The following ARMH1 variants were observed in gnomAD, a reference collection of about 807,000 sequenced individuals.
ARMH1 encodes the protein armadillo like helical domain containing 1.
In ARMH1, 34 loss-of-function variants were observed where a neutral mutation model predicts 50.2. The ratio of observed to expected loss-of-function variants is 0.68; its 90% CI spans 0.51 to 0.90. The LOEUF is 0.90. ARMH1 is among the 40% of genes least tolerant of loss of function. The pLI is 0.00. For synonymous variants in ARMH1, 221 were observed against 224.2 expected (o/e 0.99, Z 0.13); for missense variants, 538 against 553.9 (o/e 0.97, Z 0.29).
intron 6 of ARMH1, among the ~76,000 whole-genome samples, chr1:44,719,239 C>T (rs1352819814): frequency 1.4e-5 from 1 of 71,298 alleles, no homozygotes; most frequent in East Asian, 4.5e-3. Flanking sequence ...ACAAAACTAG[C>T]TTTTATAGGG....
intron 3 of ARMH1, 67 bp from the exon 4 acceptor site, chr1:44,697,996 C>T (rs1645886317): frequency 3.7e-6 from 5 of 1,341,790 alleles, no homozygotes; most frequent in Non-Finnish European, 5.0e-6. Flanking sequence ...CTTGGGATCT[C>T]TTTGAAAGCT....
chr1:44,721,672 T>A (rs968084287), intron 6 of ARMH1: 2 of 152,060 alleles, frequency 1.3e-5, no homozygotes, highest in South Asian at 4.1e-4. Flanking sequence ...GAGGTTGTAG[T>A]GAGCCGCGAC....
At chr1:44,695,975 C>T (rs1205785265) in intron 2 of ARMH1, among the ~76,000 whole-genome samples, 2 of 149,152 alleles carry the variant, frequency 1.3e-5, no homozygotes, top group African/African-American at 4.9e-5. Flanking sequence ...TAGCCCAGGA[C>T]AGAGGAAACA....
At chr1:44,680,409 T>G (rs368783692) in intron 1 of ARMH1, among the ~76,000 whole-genome samples, 17 of 152,322 alleles carry the variant, frequency 1.1e-4, no homozygotes, top group Middle Eastern at 3.4e-3. Flanking sequence ...ACTCCTGACC[T>G]CATGATCCAC....
intron 5 of ARMH1, among the ~76,000 whole-genome samples, chr1:44,702,605 G>A (rs1033540802): frequency 1.1e-4 from 16 of 151,646 alleles, no homozygotes; most frequent in African/African-American, 2.9e-4. Context: ...CCAGCTACTC[G>A]GGAGGCTGAG....
rs1007407947 is a variant in ARMH1 at position 44,681,179 on chromosome 1, TAG to T, written c.-23+6311_-23+6312del. On this transcript the variant is annotated intron_variant, in intron 1 of 11. Coordinates refer to ENST00000535358, the MANE Select transcript of ARMH1 (RefSeq NM_001145636.2). This position sits in a 1 kb window ranked among gnomAD's most constrained non-coding sequence, Gnocchi z 4.3. Reference sequence around the variant, plus strand: ...CCGGCTAACTTTTTGTATTTTTTAGTAGAGAGGGGGTTTCACCGTGTTAGCCA... The same window carrying T: ...CCGGCTAACTTTTTGTATTTTTTAGTAGAGGGGGTTTCACCGTGTTAGCCA... 6.6e-6 allele frequency among the ~76,000 whole-genome samples: 1 copy of T among 151,268 alleles called. No homozygotes were observed. The highest frequency in any genetic ancestry group is 1.5e-5 in the Non-Finnish European group (1 of 67,920).
intron 1 of ARMH1, chr1:44,689,098 C>T (rs908263711): frequency 1.3e-5 from 2 of 152,430 alleles, no homozygotes; most frequent in Admixed American, 6.5e-5. Context: ...CAGTCTCACT[C>T]TGTCGCCCAG....
intron 1 of ARMH1, among the ~76,000 whole-genome samples, chr1:44,685,473 C>T (rs746238314): frequency 6.6e-6 from 1 of 151,874 alleles, no homozygotes; most frequent in Non-Finnish European, 1.5e-5. Context: ...TGTCACTATA[C>T]CTGGCTAATT....
At chr1:44,676,411 T>C (rs1430914828) in intron 1 of ARMH1, among the ~76,000 whole-genome samples, 1 of 152,186 alleles carries the variant, frequency 6.6e-6, no homozygotes, top group Non-Finnish European at 1.5e-5. Context: ...AATAGATTTG[T>C]TGAGCTTGCC....
intron 1 of ARMH1, chr1:44,689,270 C>T: frequency 5.9e-6 from 1 of 169,766 alleles, no homozygotes; most frequent in Non-Finnish European, 1.3e-5. Context: ...GCCATGTCAG[C>T]CAGGTTGGTC....
chr1:44,688,847 C>T (rs1645560879), intron 1 of ARMH1, among the ~76,000 whole-genome samples: 1 of 152,174 alleles, frequency 6.6e-6, no homozygotes, highest in Admixed American at 6.5e-5. Flanking sequence ...GCCCATTAAT[C>T]CAACTATGGA....
intron 2 of ARMH1, among the ~76,000 whole-genome samples, chr1:44,693,408 T>C (rs936764362): frequency 1.3e-5 from 2 of 152,186 alleles, no homozygotes; most frequent in African/African-American, 4.8e-5. Flanking sequence ...ATCCTGTCTA[T>C]TTAACACTGT....
At chr1:44,709,408 C>CAG (rs1167085334) in intron 6 of ARMH1, among the ~76,000 whole-genome samples, 3 of 152,174 alleles carry the variant, frequency 2.0e-5, no homozygotes, top group Non-Finnish European at 4.4e-5. Context: ...CGCGGTGGCT[C>CAG]ACGCCTTTAA....
chr1:44,721,735 C>G (rs116341527), intron 6 of ARMH1: 1 of 151,926 alleles, frequency 6.6e-6, no homozygotes, highest in African/African-American at 2.4e-5. Context: ...CCCAACCTCC[C>G]AAAGCATGAA....
At chr1:44,709,320 A>G (rs536078298) in intron 6 of ARMH1, among the ~76,000 whole-genome samples, 14 of 152,262 alleles carry the variant, frequency 9.2e-5, no homozygotes, top group Admixed American at 7.2e-4. Context: ...TGGATGTCTA[A>G]CAGACATCTT....
intron 6 of ARMH1, among the ~76,000 whole-genome samples, chr1:44,721,612 A>G (rs537312157): frequency 6.6e-6 from 1 of 152,154 alleles, no homozygotes; most frequent in Non-Finnish European, 1.5e-5. Context: ...ACACAAAATT[A>G]GACAGGCTTA....
At chr1:44,715,061 G>GC (rs1646797499) in intron 6 of ARMH1, among the ~76,000 whole-genome samples, 1 of 152,106 alleles carries the variant, frequency 6.6e-6, no homozygotes, top group Admixed American at 6.6e-5. Context: ...GTTTCTTACA[G>GC]CAGTGCAACA....
At chr1:44,721,368 A>G (rs1020462700) in intron 6 of ARMH1, among the ~76,000 whole-genome samples, 10 of 152,178 alleles carry the variant, frequency 6.6e-5, no homozygotes, top group Admixed American at 6.6e-5. Context: ...CCTACACTTA[A>G]TTTTTCAAAT....
At chr1:44,680,583 A>C (rs1488486174) in intron 1 of ARMH1, among the ~76,000 whole-genome samples, 1 of 152,186 alleles carries the variant, frequency 6.6e-6, no homozygotes, top group East Asian at 1.9e-4. Context: ...GGAAGGGTAG[A>C]AGCTTACGGA....
Sources: gnomAD v4.1 joint callset for allele counts (sites outside exome capture counted in the v4.1 genomes callset) on GRCh38, gnomAD v4.1.1 for gene constraint, Gnocchi (gnomAD v3.1) non-coding constraint, MANE v1.5 for transcripts, NCBI Gene and HGNC (gene_info 2026-07-23, HGNC 2026-07-21) for gene names.